THAP4: variants seen among roughly 807,000 people sequenced by gnomAD.
The protein encoded by THAP4 is THAP domain containing 4, also known as peroxynitrite isomerase THAP4.
THAP4 carries 18 observed loss-of-function variants against 48.1 expected under a neutral mutation model. The ratio of observed to expected loss-of-function variants is 0.37; its 90% confidence interval spans 0.26 to 0.56. THAP4 has a LOEUF of 0.56. THAP4 is among the 20% of genes least tolerant of loss of function. THAP4 has a pLI of 0.78. For synonymous variants in THAP4, 345 were observed against 324.9 expected (o/e 1.06, Z -0.66); for missense variants, 656 against 774.9 (o/e 0.85, Z 1.82).
In THAP4 at chr2:241,610,891, G is replaced by A. The variant is rs6704945; in HGVS notation, c.1241-4418C>T. ...GGATGGGGCCAGAGACGGGGCCAGA[G>A]ACAGAGACACAGAAAGGGATCTTAC... On this transcript the variant is annotated intron_variant, in intron 2 of 5. Transcript: ENST00000407315. This position sits in a 1 kb window ranked among gnomAD's most constrained non-coding sequence, Gnocchi z 4.2. Among the ~76,000 whole-genome samples the A allele has an allele frequency of 0.16, 24,294 of 151,904 alleles. 2,127 individuals carry two copies. The highest frequency in any genetic ancestry group is 0.37 in the South Asian group (1,779 of 4,792).
At chr2:241,628,679 A>T (rs908361305) in intron 2 of THAP4, among the ~76,000 whole-genome samples, 21 of 150,608 alleles carry the variant, frequency 1.4e-4, no homozygotes, top group East Asian at 3.9e-4. Flanking sequence ...TTTTTTTTTT[A>T]AAGTCATGGC....
At chr2:241,588,813 T>C (rs2066922027) in intron 5 of THAP4, among the ~76,000 whole-genome samples, 1 of 152,164 alleles carries the variant, frequency 6.6e-6, no homozygotes, top group Non-Finnish European at 1.5e-5. Context: ...ATAAAACTTC[T>C]TGAAGAAAAT....
Position 241,606,423 on chromosome 2 carries a change from T to C in THAP4, c.1291A>G (p.Thr431Ala). Reference protein sequence around the residue: ...VVEPLSWMLGTWLSDPPGAGT... With the variant: ...VVEPLSWMLGAWLSDPPGAGT... Reference sequence around the variant, plus strand: ...GCTCCAGGTGGGTCCGACAGCCAGGTGCCCAGCATCCAGGACAGTGGCTCC... The same window carrying C: ...GCTCCAGGTGGGTCCGACAGCCAGGCGCCCAGCATCCAGGACAGTGGCTCC... The change falls in exon 3 of 6, where the codon ACC becomes GCC. Residue 431 changes from threonine (T) to alanine (A), a missense_variant. Transcript: ENST00000407315. 1 of 1,608,192 alleles carries C rather than the reference T, an allele frequency of 6.2e-7. No homozygotes were observed. Among genetic ancestry groups the C allele is most frequent in the Non-Finnish European group, 8.5e-7 (1 of 1,177,322 alleles).
Position 241,610,274 on chromosome 2 carries a change from GC to G in THAP4, c.1241-3802del, listed in dbSNP as rs1261360411. Among the ~76,000 whole-genome samples the G allele has an allele frequency of 3.3e-5, 5 of 152,158 alleles. No homozygotes were observed. The highest frequency in any genetic ancestry group is 3.3e-4 in the Admixed American group (5 of 15,276). ...GGGCGGCCCCCTCCAGCCTCCGCCG[GC>G]CCCGCCCCGGAAGCGCAGCCCCGCC... On this transcript the variant is annotated intron_variant, in intron 2 of 5. Coordinates refer to ENST00000407315, the MANE Select transcript of THAP4 (RefSeq NM_015963.6). This position sits in a 1 kb window ranked among gnomAD's most constrained non-coding sequence, Gnocchi z 4.2.
Position 241,597,881 on chromosome 2 carries a change from C to T in THAP4, c.1614+4015G>A, listed in dbSNP as rs146993354. ...CCATGCCCAGGCTTCGCAACTCCAT[C>T]GTCTCTGTCTCCTCCCTCTATTTGC... On this transcript the variant is annotated intron_variant, in intron 5 of 5. Transcript: ENST00000407315. Among the ~76,000 whole-genome samples, 173 of 152,126 alleles carry T rather than the reference C, an allele frequency of 1.1e-3. 1 individual carries two copies. Among genetic ancestry groups the T allele is most frequent in the African/African-American group, 3.7e-3 (155 of 41,506 alleles).
chr2:241,637,047 GC>G lies in THAP4; in HGVS notation c.-31del. ...GGCCTTGGCCCAGCCGCGCAGCCAG[GC>G]CCCGGCCCTAGCCGCCCGCCCGCCC... On this transcript the variant is annotated 5_prime_UTR_variant, in exon 1 of 6. Coordinates refer to ENST00000407315, the MANE Select transcript of THAP4 (RefSeq NM_015963.6). 7 of 1,188,190 alleles carry G rather than the reference GC, an allele frequency of 5.9e-6. No homozygotes were observed. The highest frequency in any genetic ancestry group is 1.8e-5 in the South Asian group (1 of 54,086). The allele number at this position is 1,188,190 out of a possible 1,614,324, so 73.6% of individuals were successfully genotyped here. A position where few individuals can be genotyped will look rare whatever the true frequency, so the allele number is the denominator to read the frequency against.
intron 5 of THAP4, among the ~76,000 whole-genome samples, chr2:241,586,262 G>GA (rs11320455): frequency 0.022 from 1,812 of 83,870 alleles, 60 homozygotes; most frequent in East Asian, 0.14. Context: ...ATCTGAAGAG[G>GA]AAAAAAAAAA....
intron 2 of THAP4, among the ~76,000 whole-genome samples, chr2:241,620,385 T>G (rs1575034515): frequency 9.0e-5 from 5 of 55,768 alleles, no homozygotes; most frequent in East Asian, 4.9e-4. Context: ...GAGGGGTGAG[T>G]GAGTCAGTGA....
chr2:241,636,965 T>C lies in THAP4; in HGVS notation c.53A>G (p.Glu18Gly). The change falls in exon 1 of 6, where the codon GAG (glutamate) becomes GGG (glycine). Residue 18 changes from glutamate to glycine, a missense_variant. By Grantham distance (98) the Glu-to-Gly change is moderately conservative. Transcript: ENST00000407315. ...VNCSNRQGKG[E>G]KRAVSFHRFP... is the part of the protein sequence containing the mutation. ...CCTGTGGAAGGAGACGGCGCGCTTCTCGCCCTTTCCCTGCCGGTTGGAGCA... is the reference window on the plus strand; with the variant it reads ...CCTGTGGAAGGAGACGGCGCGCTTCCCGCCCTTTCCCTGCCGGTTGGAGCA... 1 of 1,315,318 alleles carries C rather than the reference T, an allele frequency of 7.6e-7. No homozygotes were observed. The highest frequency in any genetic ancestry group is 9.9e-7 in the Non-Finnish European group (1 of 1,009,022). The allele number at this position is 1,315,318 out of a possible 1,614,324, so 81.5% of individuals were successfully genotyped here. A position where few individuals can be genotyped will look rare whatever the true frequency, so the allele number is the denominator to read the frequency against.
At chr2:241,585,385 T>A (rs2066881168) in intron 5 of THAP4, among the ~76,000 whole-genome samples, 1 of 109,386 alleles carries the variant, frequency 9.1e-6, no homozygotes, top group Non-Finnish European at 1.9e-5. Context: ...GTGCCCCAGA[T>A]GTGTGGGGGG....
At chr2:241,598,806 T>G (rs930920198) in intron 5 of THAP4, among the ~76,000 whole-genome samples, 2 of 151,862 alleles carry the variant, frequency 1.3e-5, no homozygotes, top group Non-Finnish European at 2.9e-5. Flanking sequence ...CCCCAACAGG[T>G]TATAAAAGCA....
intron 5 of THAP4, chr2:241,585,030 C>T (rs896335729): frequency 9.1e-6 from 3 of 329,934 alleles, no homozygotes; most frequent in Admixed American, 4.4e-5. Flanking sequence ...TAAGGAGGGT[C>T]GGGCCTGGTT....
intron 5 of THAP4, among the ~76,000 whole-genome samples, chr2:241,585,227 A>C (rs943765972): frequency 1.3e-5 from 2 of 152,178 alleles, no homozygotes; most frequent in Non-Finnish European, 2.9e-5. Context: ...TCATCAGAAT[A>C]AATTATAGCA....
At position 241,616,909 on chromosome 2, in the gene THAP4, C is replaced by T. The variant is rs1052342635; in HGVS notation, c.1241-10436G>A. Among the ~76,000 whole-genome samples, 8 of 152,118 alleles carry T rather than the reference C, an allele frequency of 5.3e-5. No individual in the cohort carries two copies. The highest frequency in any genetic ancestry group is 2.1e-4 in the South Asian group (1 of 4,834). On this transcript the variant is annotated intron_variant, in intron 2 of 5. Transcript: ENST00000407315. This position sits in a 1 kb window ranked among gnomAD's most constrained non-coding sequence, Gnocchi z 4.6. Reference sequence around the variant, plus strand: ...TCAGGCAGTAAACAAGCAGCGGCGGCGCCTCCTTCTGTCTACACTGCACCT... The same window carrying T: ...TCAGGCAGTAAACAAGCAGCGGCGGTGCCTCCTTCTGTCTACACTGCACCT...
At chr2:241,598,975 T>C (rs922314585) in intron 5 of THAP4, among the ~76,000 whole-genome samples, 10 of 151,176 alleles carry the variant, frequency 6.6e-5, no homozygotes, top group African/African-American at 2.2e-4. Flanking sequence ...GCTATCCGGC[T>C]GGGCGCAGTG....
rs376078683 is a variant in THAP4 at position 241,616,541 on chromosome 2, C to G, written c.1241-10068G>C. On this transcript the variant is annotated intron_variant, in intron 2 of 5. Coordinates refer to ENST00000407315, the MANE Select transcript of THAP4 (RefSeq NM_015963.6). This position sits in a 1 kb window ranked among gnomAD's most constrained non-coding sequence, Gnocchi z 4.6. ...CATGCCAGGTCAGGGAAGCAAGTCCCGCGGGCCCTGGAGAGAAGCTACCCT... is the reference window on the plus strand; with the variant it reads ...CATGCCAGGTCAGGGAAGCAAGTCCGGCGGGCCCTGGAGAGAAGCTACCCT... 3.3e-5 allele frequency among the ~76,000 whole-genome samples: 5 copies of G among 152,130 alleles called. No homozygotes were observed. The highest frequency in any genetic ancestry group is 3.9e-4 in the East Asian group (2 of 5,190).
At chr2:241,602,230 G>A (rs916578538) in intron 4 of THAP4, 1 of 561,290 alleles carries the variant, frequency 1.8e-6, no homozygotes, top group Non-Finnish European at 3.2e-6. Context: ...CTCCAGACTG[G>A]GCCCCAGCCC....
At chr2:241,597,923 T>C (rs1370999407) in intron 5 of THAP4, among the ~76,000 whole-genome samples, 1 of 152,078 alleles carries the variant, frequency 6.6e-6, no homozygotes, top group Non-Finnish European at 1.5e-5. Context: ...AGAGCCACTT[T>C]TTGTTAAATT....
chr2:241,589,259 A>G (rs939992315), intron 5 of THAP4, among the ~76,000 whole-genome samples: 1 of 151,784 alleles, frequency 6.6e-6, no homozygotes, highest in African/African-American at 2.4e-5. Context: ...CCCACCAAAA[A>G]AAACAACATT....
Sources: gnomAD v4.1 joint callset for allele counts (sites outside exome capture counted in the v4.1 genomes callset) on GRCh38, gnomAD v4.1.1 for gene constraint, Gnocchi (gnomAD v3.1) non-coding constraint, MANE v1.5 for transcripts, NCBI Gene and HGNC (gene_info 2026-07-23, HGNC 2026-07-21) for gene names.